Variants in ZNF667 observed in about 807,000 individuals in gnomAD.
ZNF667 encodes the protein myocardial ischemic preconditioning upregulated 1 ortholog.
A neutral mutation model predicts 31.8 loss-of-function variants in ZNF667; 13 were observed. That is an observed-to-expected ratio of 0.41 (90% CI 0.27 to 0.65). The LOEUF is 0.65. ZNF667 is among the 30% of genes least tolerant of loss of function. The pLI, the probability that ZNF667 is intolerant of heterozygous loss-of-function variation, is 0.32. For synonymous variants in ZNF667, 228 were observed against 247.1 expected (o/e 0.92, Z 0.73); for missense variants, 642 against 725.6 (o/e 0.88, Z 1.32).
intron 6 of ZNF667, among the ~76,000 whole-genome samples, chr19:56,452,691 G>T (rs2042856783): frequency 6.6e-6 from 1 of 152,080 alleles, no homozygotes; most frequent in South Asian, 2.1e-4. Context: ...AAGCCAAGGT[G>T]GGCGGATCAC....
At chr19:56,461,715 T>C (rs2043048710) in intron 4 of ZNF667, among the ~76,000 whole-genome samples, 1 of 152,198 alleles carries the variant, frequency 6.6e-6, no homozygotes, top group Non-Finnish European at 1.5e-5. Context: ...ACATTTGTTA[T>C]GGGAAACTGC....
chr19:56,464,071 C>T (rs544335170), intron 3 of ZNF667, among the ~76,000 whole-genome samples: 25 of 151,784 alleles, frequency 1.6e-4, no homozygotes, highest in African/African-American at 6.0e-4. Context: ...CTAGATGGAC[C>T]GTGTGTATAA....
intron 4 of ZNF667, 139 bp downstream of exon 4, chr19:56,462,199 A>T (rs2043059001): frequency 2.8e-6 from 3 of 1,080,682 alleles, no homozygotes; most frequent in Non-Finnish European, 4.2e-6. Flanking sequence ...CTCATCCCTC[A>T]TGGCAACGGG....
intron 6 of ZNF667, among the ~76,000 whole-genome samples, chr19:56,453,054 ACTAC>A (rs1568844650): frequency 6.6e-6 from 1 of 152,196 alleles, no homozygotes; most frequent in Admixed American, 6.5e-5. Flanking sequence ...TGCAACTGAT[ACTAC>A]AGATACTCAA....
At chr19:56,455,418 C>G (rs2042911639) in intron 6 of ZNF667, among the ~76,000 whole-genome samples, 1 of 152,132 alleles carries the variant, frequency 6.6e-6, no homozygotes, top group South Asian at 2.1e-4. Flanking sequence ...TGACCATCAA[C>G]AGTCATGCAG....
Position 56,442,443 on chromosome 19 carries a change from G to C in ZNF667, c.552C>G (p.Ile184Met). 6.2e-7 allele frequency: 1 copy of C among 1,614,086 alleles called. No homozygotes were observed. The change falls in exon 7 of 7, where the codon ATC (isoleucine) becomes ATG (methionine). Residue 184 changes from isoleucine (I) to methionine (M), a missense_variant. By Grantham distance (10) the Ile-to-Met change is conservative. Coordinates refer to ENST00000504904, the MANE Select transcript of ZNF667 (RefSeq NM_001321356.2). ...TTCTCTGATGAAGTAGGATGGATGA[G>C]ATCTGTCTGAAAGCTTTTCTACAAT... is the stretch of plus-strand genomic sequence containing the variant. The part of the protein sequence containing the change: ...CSNCRKAFRQ[I>M]SSILLHQRIH...
chr19:56,474,462 A>T (rs2043358983), intron 1 of ZNF667: 1 of 152,276 alleles, frequency 6.6e-6, no homozygotes, highest in South Asian at 2.1e-4. Flanking sequence ...GGAAGAACAC[A>T]GGCTATGCAT....
In ZNF667 at chr19:56,477,323, AG is replaced by A. The variant is rs1306586153; in HGVS notation, c.-714del. On this transcript the variant is annotated 5_prime_UTR_variant, in exon 1 of 7. Transcript: ENST00000504904. ...GCGGCGACCACCGAGACAGCCGAGC[AG>A]GGACTCAGCGCCTGCGCACTCCCCT... 6.6e-6 allele frequency: 1 copy of A among 151,838 alleles called. No homozygotes were observed. The highest frequency in any genetic ancestry group is 1.5e-5 in the Non-Finnish European group (1 of 67,968). 9.4% of individuals were successfully genotyped at this position (151,838 alleles called of 1,614,324 possible). A position where few individuals can be genotyped will look rare whatever the true frequency, so the allele number is the denominator to read the frequency against.
intron 6 of ZNF667, among the ~76,000 whole-genome samples, chr19:56,457,013 C>CA (rs1440382068): frequency 6.6e-6 from 1 of 152,116 alleles, no homozygotes; most frequent in East Asian, 1.9e-4. Context: ...TCACCAAAGC[C>CA]AGACGCTCGA....
intron 6 of ZNF667, among the ~76,000 whole-genome samples, chr19:56,443,755 G>C (rs1032995394): frequency 9.2e-5 from 14 of 152,160 alleles, no homozygotes; most frequent in Admixed American, 7.9e-4. Flanking sequence ...AGAAAAATAG[G>C]TAAGAGATTA....
In ZNF667 at chr19:56,441,355, C is replaced by A. The variant is rs777002629; in HGVS notation, c.1640G>T (p.Arg547Ile). 6.8e-6 allele frequency: 11 copies of A among 1,614,048 alleles called. No individual in the cohort carries two copies. The South Asian group carries it at 8.8e-5, about 13-fold the overall frequency. The change falls in exon 7 of 7, where the codon AGA becomes ATA. Residue 547 changes from arginine to isoleucine, a missense_variant. Physicochemically the swap from Arg to Ile is moderately conservative, Grantham distance 97 (BLOSUM62 -3). Coordinates refer to ENST00000504904, the MANE Select transcript of ZNF667 (RefSeq NM_001321356.2). This position sits in a 1 kb window ranked among gnomAD's most constrained non-coding sequence, Gnocchi z 4.2. ...ATAGGGTTTCTCTCCAGTATGACTT[C>A]TTTCATGTAGAATAAGAGATGTGCG... ...SQRTSLILHE[R>I]SHTGEKPYEC...
rs71184363 is a variant in ZNF667 at position 56,451,868 on chromosome 19, CAAAAAA to C, written c.253+6281_253+6286del. Among the ~76,000 whole-genome samples, 12 of 80,948 alleles carry C rather than the reference CAAAAAA, an allele frequency of 1.5e-4. No homozygotes were observed. In the South Asian group the frequency reaches 3.7e-3, roughly 25 times the overall value. 53.1% of individuals were successfully genotyped at this position (80,948 alleles called of 152,430 possible). On this transcript the variant is annotated intron_variant, in intron 6 of 6. Coordinates refer to ENST00000504904, the MANE Select transcript of ZNF667 (RefSeq NM_001321356.2). ...TGGGTGACAGAGCAAGACCCTGTCT[CAAAAAA>C]AAAAAAAAAAAAAAAAAAAAAAAAA...
At chr19:56,476,584 C>CA (rs2043412300) in intron 1 of ZNF667, among the ~76,000 whole-genome samples, 1 of 152,196 alleles carries the variant, frequency 6.6e-6, no homozygotes, top group Non-Finnish European at 1.5e-5. Flanking sequence ...AACACCCAGG[C>CA]AGGTGCTATT....
chr19:56,462,197 T>A (rs1158285177), intron 4 of ZNF667, 141 bp downstream of exon 4: 10 of 1,070,110 alleles, frequency 9.3e-6, no homozygotes, highest in Non-Finnish European at 1.4e-5. Flanking sequence ...TTCTCATCCC[T>A]CATGGCAACG....
rs1600463133 is a variant in ZNF667 at position 56,471,726 on chromosome 19, C to T, written c.-87G>A. The stretch of plus-strand genomic sequence containing the variant: ...GATAAGCAGATCAGTTGGCTTTCCC[C>T]TTCCAATTACTTAGGTAAAATGACT... On this transcript the variant is annotated 5_prime_UTR_variant, in exon 3 of 7. Transcript: ENST00000504904. The T allele has an allele frequency of 6.6e-6, 1 of 152,178 alleles. No homozygotes were observed. Among genetic ancestry groups the T allele is most frequent in the African/African-American group, 2.4e-5 (1 of 41,452 alleles). The allele number at this position is 152,178 out of a possible 1,614,324, so 9.4% of individuals were successfully genotyped here.
At chr19:56,448,611 G>A (rs892536578) in intron 6 of ZNF667, among the ~76,000 whole-genome samples, 1 of 147,782 alleles carries the variant, frequency 6.8e-6, no homozygotes, top group African/African-American at 2.5e-5. Flanking sequence ...ACGTTGTCTT[G>A]CAACTTGGAT....
rs1386995382 is a variant in ZNF667 at position 56,440,563 on chromosome 19, T to G, written c.*599A>C. 1 of 974,128 alleles carries G rather than the reference T, an allele frequency of 1.0e-6. No homozygotes were observed. Among genetic ancestry groups the G allele is most frequent in the African/African-American group, 1.8e-5 (1 of 56,998 alleles). The allele number at this position is 974,128 out of a possible 1,614,324, so 60.3% of individuals were successfully genotyped here. A position where few individuals can be genotyped will look rare whatever the true frequency, so the allele number is the denominator to read the frequency against. On this transcript the variant is annotated 3_prime_UTR_variant, in exon 7 of 7. Coordinates refer to ENST00000504904, the MANE Select transcript of ZNF667 (RefSeq NM_001321356.2). ...TTAAATCAGGCTCAGAGCCCTATAA[T>G]GGACTTCACAATTCTATTTTGTTGT...
intron 3 of ZNF667, 41 bp from the exon 4 acceptor site, chr19:56,462,470 A>G: frequency 7.6e-7 from 1 of 1,314,796 alleles, no homozygotes; most frequent in Non-Finnish European, 1.1e-6. Context: ...GCCAGAGTCC[A>G]CAGGCCCCTA....
In ZNF667 at chr19:56,442,632, T is replaced by C. The variant is rs369031783; in HGVS notation, c.363A>G (p.Arg121=). The C allele has an allele frequency of 2.0e-5, 32 of 1,613,872 alleles. No homozygotes were observed. Among genetic ancestry groups the C allele is most frequent in the Non-Finnish European group, 2.7e-5 (32 of 1,179,984 alleles). The change falls in exon 7 of 7, where the codon CGA becomes CGG. Residue 121 remains arginine, a synonymous_variant. Coordinates refer to ENST00000504904, the MANE Select transcript of ZNF667 (RefSeq NM_001321356.2). ...CTGAATTTTTGTTGCAGCCACTCTT[T>C]CGTGTAGGAGCTTTTTGTTGTGCAG... ...LVSAQQKAPT[R]KSGCNKNSVL...
Sources: gnomAD v4.1 joint callset for allele counts (sites outside exome capture counted in the v4.1 genomes callset) on GRCh38, gnomAD v4.1.1 for gene constraint, Gnocchi (gnomAD v3.1) non-coding constraint, MANE v1.5 for transcripts, NCBI Gene and HGNC (gene_info 2026-07-23, HGNC 2026-07-21) for gene names.